Variants in RPS6KC1 observed in about 807,000 individuals in gnomAD.
RPS6KC1 encodes inactive ribosomal protein S6 kinase delta-1.
RPS6KC1 carries 54 observed loss-of-function variants against 103.8 expected under a neutral mutation model. The ratio of observed to expected loss-of-function variants is 0.52; its 90% CI spans 0.42 to 0.65. The LOEUF is 0.65. Among genes scored for constraint, RPS6KC1 ranks in the 30% least tolerant of loss-of-function variants. RPS6KC1 has a pLI of 0.00. For synonymous variants in RPS6KC1, 439 were observed against 438.7 expected, an observed-to-expected ratio of 1.00 and a Z score of -0.01; for missense variants, 1,151 against 1,253.8, an observed-to-expected ratio of 0.92 and a Z score of 1.24.
intron 14 of RPS6KC1, among the ~76,000 whole-genome samples, chr1:213,268,674 A>G (rs1317994832): frequency 6.6e-6 from 1 of 150,538 alleles, no homozygotes; most frequent in Non-Finnish European, 1.5e-5. Context: ...TATAGAAGCA[A>G]TATCTAAATA....
chr1:213,854,576 C>CTCTCTT, the RPS6KC1 span, among the ~76,000 whole-genome samples: 1 of 138,300 alleles, frequency 7.2e-6, no homozygotes, highest in Non-Finnish European at 1.5e-5. Flanking sequence ...CTCTCTCTCT[C>CTCTCTT]TCTTTCTTTC....
intron 10 of RPS6KC1, among the ~76,000 whole-genome samples, chr1:213,238,435 C>T (rs1367656649): frequency 1.3e-5 from 2 of 152,104 alleles, no homozygotes; most frequent in African/African-American, 4.8e-5. Context: ...GTTCAAATGC[C>T]TATGCGGAGT....
At chr1:213,618,866 C>G in the RPS6KC1 span, among the ~76,000 whole-genome samples, 1 of 152,226 alleles carries the variant, frequency 6.6e-6, no homozygotes, top group African/African-American at 2.4e-5. Flanking sequence ...TTGCTATATA[C>G]CAGGTTGGAG....
chr1:213,663,051 C>G, the RPS6KC1 span, among the ~76,000 whole-genome samples: 4 of 152,344 alleles, frequency 2.6e-5, no homozygotes, highest in African/African-American at 9.6e-5. Flanking sequence ...AAGGCAGGTC[C>G]TAGCTCTGCC....
chr1:213,703,208 G>A, the RPS6KC1 span, among the ~76,000 whole-genome samples: 1 of 152,092 alleles, frequency 6.6e-6, no homozygotes, highest in Non-Finnish European at 1.5e-5. Context: ...AAATAAACAA[G>A]CAAGTGAAAA....
chr1:213,814,136 G>C, the RPS6KC1 span, among the ~76,000 whole-genome samples: 16 of 152,264 alleles, frequency 1.1e-4, no homozygotes, highest in Admixed American at 5.2e-4. Context: ...AGTGATGTGA[G>C]TTCCAATTCC....
the RPS6KC1 span, among the ~76,000 whole-genome samples, chr1:213,834,520 A>G: frequency 1.3e-5 from 2 of 152,218 alleles, no homozygotes; most frequent in Non-Finnish European, 2.9e-5. Context: ...TAATTCATCT[A>G]GGTATCTCTC....
At chr1:213,748,342 G>T in the RPS6KC1 span, among the ~76,000 whole-genome samples, 1 of 152,164 alleles carries the variant, frequency 6.6e-6, no homozygotes, top group African/African-American at 2.4e-5. Flanking sequence ...AGATATGAAG[G>T]AGCAGATTTT....
chr1:213,639,951 A>G, the RPS6KC1 span, among the ~76,000 whole-genome samples: 3 of 151,974 alleles, frequency 2.0e-5, no homozygotes, highest in East Asian at 5.8e-4. Flanking sequence ...ATTTTCTTCA[A>G]AAGAGAGTAG....
At chr1:213,651,197 C>T in the RPS6KC1 span, among the ~76,000 whole-genome samples, 5 of 152,108 alleles carry the variant, frequency 3.3e-5, no homozygotes, top group African/African-American at 4.8e-5. Flanking sequence ...GATTCATCTT[C>T]GACCATCTCC....
chr1:213,783,314 T>C, the RPS6KC1 span, among the ~76,000 whole-genome samples: 1 of 152,172 alleles, frequency 6.6e-6, no homozygotes, highest in African/African-American at 2.4e-5. Context: ...CACAGGACAA[T>C]GACCAGGACC....
chr1:213,408,033 G>A, the RPS6KC1 span, among the ~76,000 whole-genome samples: 38 of 152,296 alleles, frequency 2.5e-4, no homozygotes, highest in African/African-American at 8.9e-4. Context: ...CTTAATCTGA[G>A]TGTCCTCAAG....
chr1:213,252,607 G>T (rs1448790750), intron 12 of RPS6KC1, among the ~76,000 whole-genome samples: 2 of 151,914 alleles, frequency 1.3e-5, no homozygotes, highest in East Asian at 3.9e-4. Context: ...ATCTTTTTTT[G>T]ATCCTGAAAG....
chr1:213,382,080 C>G, the RPS6KC1 span, among the ~76,000 whole-genome samples: 1 of 152,158 alleles, frequency 6.6e-6, no homozygotes, highest in Non-Finnish European at 1.5e-5. Context: ...GGCTTTTTTC[C>G]CTTCCGTGTT....
chr1:213,284,274 T>C, the RPS6KC1 span, among the ~76,000 whole-genome samples: 1 of 152,196 alleles, frequency 6.6e-6, no homozygotes, highest in Non-Finnish European at 1.5e-5. Context: ...ACCAACACTT[T>C]GGGAGCCTGA....
intron 6 of RPS6KC1, among the ~76,000 whole-genome samples, chr1:213,148,392 A>C (rs890784136): frequency 1.3e-5 from 2 of 152,124 alleles, no homozygotes; most frequent in East Asian, 3.8e-4. Flanking sequence ...ATGAAGGGAC[A>C]TTGAATTTTA....
chr1:213,749,700 G>T, the RPS6KC1 span, among the ~76,000 whole-genome samples: 2 of 151,938 alleles, frequency 1.3e-5, no homozygotes, highest in Non-Finnish European at 2.9e-5. Context: ...ACTACACTTC[G>T]ATGTGGTGTC....
chr1:213,282,471 G>T, the RPS6KC1 span, among the ~76,000 whole-genome samples: 1 of 152,232 alleles, frequency 6.6e-6, no homozygotes, highest in Non-Finnish European at 1.5e-5. Flanking sequence ...CGCCTGCTTG[G>T]CACAGGGAGT....
the RPS6KC1 span, among the ~76,000 whole-genome samples, chr1:213,582,475 A>G: frequency 2.0e-5 from 3 of 152,340 alleles, no homozygotes; most frequent in African/African-American, 7.2e-5. Flanking sequence ...TGTCACCAGG[A>G]TCACATTATC....
Sources: gnomAD v4.1 joint callset for allele counts (sites outside exome capture counted in the v4.1 genomes callset) on GRCh38, gnomAD v4.1.1 for gene constraint, MANE v1.5 for transcripts, NCBI Gene and HGNC (gene_info 2026-07-23, HGNC 2026-07-21) for gene names.